Variants in RILPL1 observed in about 807,000 individuals in gnomAD.
RILPL1 encodes RILP-like protein 1.
Under a neutral mutation model 50.3 loss-of-function variants are expected in RILPL1, and 33 were observed. That is an observed-to-expected ratio of 0.66 (90% confidence interval 0.50 to 0.88). RILPL1 has a LOEUF of 0.88. RILPL1 is among the 40% of genes least tolerant of loss of function. The pLI, the probability that RILPL1 is intolerant of heterozygous loss-of-function variation, is 0.00. For synonymous variants in RILPL1, 205 were observed against 228.6 expected (o/e 0.90, Z 0.93); for missense variants, 418 against 542.5 (o/e 0.77, Z 2.28).
chr12:123,476,641 C>T lies in RILPL1; in HGVS notation c.1068-3959G>A, dbSNP rs575714055. Among the ~76,000 whole-genome samples the T allele has an allele frequency of 2.0e-5, 3 of 152,066 alleles. No homozygotes were observed. The East Asian group carries it at 5.9e-4, about 30-fold the overall frequency. Reference sequence around the variant, plus strand: ...TGCAGGCCAAGGACTGCCAAAGACCCCCAGCAGCCACCAGAAATGGAGAGA... The same window carrying T: ...TGCAGGCCAAGGACTGCCAAAGACCTCCAGCAGCCACCAGAAATGGAGAGA... On this transcript the variant is annotated intron_variant, in intron 6 of 6. Transcript: ENST00000376874.
intron 2 of RILPL1, among the ~76,000 whole-genome samples, chr12:123,521,568 TATATACACACATATGTGTATATATATA>T (rs1885013078): frequency 3.7e-5 from 1 of 27,232 alleles, no homozygotes; most frequent in African/African-American, 1.3e-4. Flanking sequence ...TATATTAATA[TATATACACACATATGTGTATATATATA>T]TTAATATATA....
Position 123,485,679 on chromosome 12 carries a change from TG to T in RILPL1, c.927del (p.Lys310SerfsTer132), listed in dbSNP as rs1461968264. 1 of 1,613,798 alleles carries T rather than the reference TG, an allele frequency of 6.2e-7. No individual in the cohort carries two copies. Among genetic ancestry groups the T allele is most frequent in the Non-Finnish European group, 8.5e-7 (1 of 1,179,806 alleles). On this transcript the variant is annotated frameshift_variant, in exon 5 of 7. Transcript: ENST00000376874. LOFTEE classifies it high-confidence loss of function. The surrounding 1 kb of genome is among the most constrained non-coding windows in gnomAD (Gnocchi z 4.0). ...TCCTGCAGCAAGAACACCTTGGACTTGAGCTCGTTCCTCTCGTGCAGCACGT... is the reference window on the plus strand; with the variant it reads ...TCCTGCAGCAAGAACACCTTGGACTTAGCTCGTTCCTCTCGTGCAGCACGT... ...LRDVLHERNE[L>X]KSKVFLLQEE...
At chr12:123,496,010 T>A (rs1345719212) in intron 4 of RILPL1, among the ~76,000 whole-genome samples, 1 of 150,456 alleles carries the variant, frequency 6.6e-6, no homozygotes, top group Non-Finnish European at 1.5e-5. Context: ...CACTCCTTTT[T>A]TTTTCTTTTT....
At chr12:123,525,700 CAAAAAAAA>C (rs1207503097) in intron 1 of RILPL1, among the ~76,000 whole-genome samples, 2 of 44,998 alleles carry the variant, frequency 4.4e-5, no homozygotes, top group African/African-American at 1.4e-4. Flanking sequence ...GACACTGTCT[CAAAAAAAA>C]AAAAAAAAAA....
chr12:123,532,493 C>CT (rs1354122268), intron 1 of RILPL1, among the ~76,000 whole-genome samples: 1 of 152,176 alleles, frequency 6.6e-6, no homozygotes, highest in Non-Finnish European at 1.5e-5. Flanking sequence ...GCTCCTCCCA[C>CT]TGTGACCCTC....
Position 123,533,323 on chromosome 12 carries a change from T to C in RILPL1, c.160A>G (p.Met54Val). Reference protein sequence around the residue: ...QHGCEAIARLMPKVVRVLEIL... With the variant: ...QHGCEAIARLVPKVVRVLEIL... ...TCCAGGACGCGCACGACCTTGGGCA[T>C]GAGGCGCGCGATGGCCTCGCAGCCG... The change falls in exon 1 of 7, where the codon ATG becomes GTG. Residue 54 changes from methionine to valine, a missense_variant. Transcript: ENST00000376874. The surrounding 1 kb of genome is among the most constrained non-coding windows in gnomAD (Gnocchi z 6.2). 3 of 1,584,024 alleles carry C rather than the reference T, an allele frequency of 1.9e-6. No individual in the cohort carries two copies. The highest frequency in any genetic ancestry group is 2.6e-6 in the Non-Finnish European group (3 of 1,168,386).
At position 123,522,255 on chromosome 12, in the gene RILPL1, C is replaced by T. The variant is rs537034157; in HGVS notation, c.460+1240G>A. On this transcript the variant is annotated intron_variant, in intron 2 of 6. Transcript: ENST00000376874. This position sits in a 1 kb window ranked among gnomAD's most constrained non-coding sequence, Gnocchi z 4.0. ...GCTGCAGGAGGCACCCCTGCTTTAG[C>T]GGGCAGGAAGCTGCAGGGCTGAGCA... 2.6e-4 allele frequency among the ~76,000 whole-genome samples: 40 copies of T among 152,316 alleles called. No individual in the cohort carries two copies. The highest frequency in any genetic ancestry group is 8.2e-4 in the African/African-American group (34 of 41,576).
chr12:123,490,138 G>T, intron 4 of RILPL1, among the ~76,000 whole-genome samples: 1 of 152,014 alleles, frequency 6.6e-6, no homozygotes, highest in African/African-American at 2.4e-5. Context: ...TCCTCAGACA[G>T]CTCGGGTCCT....
rs576674403 is a variant in RILPL1, at chr12:123,472,036, C to T, written c.*502G>A. The stretch of plus-strand genomic sequence containing the variant: ...GCTACTGAGCCTGTGACTTCAGACC[C>T]CTTGTCTGCCTGATGGATACATTCT... On this transcript the variant is annotated 3_prime_UTR_variant, in exon 7 of 7. Transcript: ENST00000376874. The T allele has an allele frequency of 2.7e-4, 41 of 153,762 alleles. 1 individual carries two copies. Among genetic ancestry groups the T allele is most frequent in the Non-Finnish European group, 4.8e-4 (33 of 68,990 alleles). The allele number at this position is 153,762 out of a possible 1,614,324, so 9.5% of individuals were successfully genotyped here.
Position 123,485,484 on chromosome 12 carries a change from G to T in RILPL1, c.974+149C>A. 1.4e-6 allele frequency: 1 copy of T among 702,956 alleles called. No individual in the cohort carries two copies. The allele number at this position is 702,956 out of a possible 1,614,324, so 43.5% of individuals were successfully genotyped here. A position where few individuals can be genotyped will look rare whatever the true frequency, so the allele number is the denominator to read the frequency against. ...AGTTTCAGAAAGGGGTTGTGAGCTT[G>T]TATGTAAGTTCTTTAGGCCAGAGAG... On this transcript the variant is annotated intron_variant, in intron 5 of 6. Transcript: ENST00000376874. The surrounding 1 kb of genome is among the most constrained non-coding windows in gnomAD (Gnocchi z 4.0).
At position 123,472,618 on chromosome 12, in the gene RILPL1, C is replaced by T. The variant is rs543677202; in HGVS notation, c.1132G>A (p.Glu378Lys). ...GTGTTTGCCCACTGTCCAAAGGACT[C>T]CTGGATGTGCACGTTTCTCTGTGTG... ...ANTQRNVHIQ[E>K]SFGQWANTHR... The change falls in exon 7 of 7, where the codon GAG (glutamate) becomes AAG (lysine). Residue 378 changes from glutamate to lysine, a missense_variant. By Grantham distance (56) the Glu-to-Lys change is moderately conservative. Coordinates refer to ENST00000376874, the MANE Select transcript of RILPL1 (RefSeq NM_178314.5). 389 of 1,586,776 alleles carry T rather than the reference C, an allele frequency of 2.5e-4. No homozygotes were observed. The highest frequency in any genetic ancestry group is 3.2e-4 in the Non-Finnish European group (372 of 1,166,412).
At position 123,533,251 on chromosome 12, in the gene RILPL1, C is replaced by G; in HGVS notation, c.232G>C (p.Asp78His). ...CGGTCCAGCTCCAGGCGCAGCTCGT[C>G]CAGCTCGGGCGCGACGTGGTGGCGG... ...VSRHHVAPEL[D>H]ELRLELDRLR... Residue 78 changes from aspartate (D) to histidine (H), a missense_variant, in exon 1 of 7, where the codon GAC becomes CAC. Physicochemically the swap from Asp to His is moderately conservative, Grantham distance 81 (BLOSUM62 -1). Coordinates refer to ENST00000376874, the MANE Select transcript of RILPL1 (RefSeq NM_178314.5). The surrounding 1 kb of genome is among the most constrained non-coding windows in gnomAD (Gnocchi z 6.2). 6.3e-7 allele frequency: 1 copy of G among 1,592,996 alleles called. No individual in the cohort carries two copies. Among genetic ancestry groups the G allele is most frequent in the South Asian group, 1.1e-5 (1 of 88,790 alleles).
intron 4 of RILPL1, among the ~76,000 whole-genome samples, chr12:123,488,922 T>A (rs1183644509): frequency 6.6e-6 from 1 of 152,206 alleles, no homozygotes; most frequent in African/African-American, 2.4e-5. Context: ...TTAGGTGGGC[T>A]GTGTCCTCAG....
intron 1 of RILPL1, among the ~76,000 whole-genome samples, chr12:123,525,631 G>A (rs1246222767): frequency 6.8e-6 from 1 of 146,436 alleles, no homozygotes; most frequent in Non-Finnish European, 1.5e-5. Flanking sequence ...AATCTCAGAG[G>A]TGGAGGTTGT....
intron 1 of RILPL1, among the ~76,000 whole-genome samples, chr12:123,525,880 G>A (rs1056326840): frequency 6.6e-6 from 1 of 151,460 alleles, no homozygotes; most frequent in African/African-American, 2.4e-5. Flanking sequence ...TATGGTATCT[G>A]AATTATATTG....
intron 2 of RILPL1, among the ~76,000 whole-genome samples, chr12:123,503,143 C>T (rs1883507075): frequency 6.7e-6 from 1 of 148,866 alleles, no homozygotes; most frequent in African/African-American, 2.5e-5. Flanking sequence ...ACCTTGGCCT[C>T]CCAAAGTGCT....
intron 2 of RILPL1, among the ~76,000 whole-genome samples, chr12:123,502,517 G>C (rs1229359263): frequency 6.6e-6 from 1 of 152,222 alleles, no homozygotes; most frequent in African/African-American, 2.4e-5. Context: ...AATACACACA[G>C]AGCCCTGAAG....
intron 6 of RILPL1, among the ~76,000 whole-genome samples, chr12:123,477,928 C>T (rs1881703422): frequency 6.7e-6 from 1 of 149,222 alleles, no homozygotes; most frequent in Non-Finnish European, 1.5e-5. Context: ...AGGGGGTGAC[C>T]AATGCTCGGG....
intron 2 of RILPL1, among the ~76,000 whole-genome samples, chr12:123,518,554 TGTAC>T (rs1884841669): frequency 6.7e-6 from 1 of 148,558 alleles, no homozygotes; most frequent in South Asian, 2.1e-4. Flanking sequence ...TTATGTAAAA[TGTAC>T]GTTAGATTTT....
Sources: allele counts gnomAD v4.1 joint callset (sites outside exome capture counted in the v4.1 genomes callset), GRCh38; gene constraint gnomAD v4.1.1; non-coding constraint Gnocchi (gnomAD v3.1); transcripts MANE v1.5; gene names NCBI Gene and HGNC (gene_info 2026-07-23, HGNC 2026-07-21).